The following WNK4 variants were observed in gnomAD, a reference collection of about 807,000 sequenced individuals.
WNK4 encodes the protein serine/threonine-protein kinase WNK4.
Under a neutral mutation model 116.2 loss-of-function variants are expected in WNK4, and 94 were observed. The ratio of observed to expected loss-of-function variants is 0.81; its 90% confidence interval spans 0.68 to 0.96. The LOEUF is 0.96. Ranked by LOEUF, WNK4 falls within the 40% of genes least tolerant of loss-of-function variation. WNK4 has a pLI of 0.00. For synonymous variants in WNK4, 655 were observed against 672.7 expected (o/e 0.97, Z 0.41); for missense variants, 1,542 against 1,650.6 (o/e 0.93, Z 1.14).
At position 42,796,729 on chromosome 17, in the gene WNK4, C is replaced by T; in HGVS notation, c.*41C>T. The T allele has an allele frequency of 1.2e-6, 2 of 1,614,216 alleles. No individual in the cohort carries two copies. Among genetic ancestry groups the T allele is most frequent in the Non-Finnish European group, 1.7e-6 (2 of 1,180,026 alleles). ...CATGTATCTCCCCCACACCAGGGCC[C>T]ACCATGGAGCTTGTGTTCTCAGAAT... On this transcript the variant is annotated 3_prime_UTR_variant, in exon 19 of 19. Coordinates refer to ENST00000246914, the MANE Select transcript of WNK4 (RefSeq NM_032387.5).
chr17:42,795,882 C>T lies in WNK4; in HGVS notation c.3280C>T (p.Pro1094Ser), dbSNP rs1438398279. 1 of 1,611,686 alleles carries T rather than the reference C, an allele frequency of 6.2e-7. No individual in the cohort carries two copies. The highest frequency in any genetic ancestry group is 1.7e-5 in the Admixed American group (1 of 59,902). ...GGAGGAAGGAGATGATGGGAAGGAA[C>T]CCCAAGTTGGGGGCAGCCCCCAACC... ...VEEEGDDGKE[P>S]QVGGSPQPLS... The change falls in exon 16 of 19, where the codon CCC becomes TCC. Residue 1094 changes from proline (P) to serine (S), a missense_variant. Pro to Ser is a moderately conservative substitution (Grantham distance 74, BLOSUM62 -1). Around this residue, in one of 7 missense-constraint regions of WNK4, gnomAD observed 292 missense variants for 290.1 expected, o/e 1.01. Coordinates refer to ENST00000246914, the MANE Select transcript of WNK4 (RefSeq NM_032387.5).
rs914821455 is a variant in WNK4, at chr17:42,784,929, G to A, written c.1171-168G>A. 6.6e-6 allele frequency among the ~76,000 whole-genome samples: 1 copy of A among 150,666 alleles called. No individual in the cohort carries two copies. The highest frequency in any genetic ancestry group is 2.5e-5 in the African/African-American group (1 of 40,468). ...TCAAGATCACACTGTAAATACTTGGGGGGGGGGCGGGGATTAGGATTTGAA... is the reference window on the plus strand; with the variant it reads ...TCAAGATCACACTGTAAATACTTGGAGGGGGGGCGGGGATTAGGATTTGAA... On this transcript the variant is annotated intron_variant, in intron 4 of 18. Coordinates refer to ENST00000246914, the MANE Select transcript of WNK4 (RefSeq NM_032387.5). The surrounding 1 kb of genome is among the most constrained non-coding windows in gnomAD (Gnocchi z 4.4).
At position 42,782,831 on chromosome 17, in the gene WNK4, C is replaced by T. The variant is rs749059920; in HGVS notation, c.692C>T (p.Pro231Leu). Reference protein sequence around the residue: ...EVEMLKGLQHPNIVRFYDSWK... With the variant: ...EVEMLKGLQHLNIVRFYDSWK... Reference sequence around the variant, plus strand: ...GAGATGCTCAAGGGGCTGCAGCACCCCAACATCGTCCGCTTCTATGATTCG... The same window carrying T: ...GAGATGCTCAAGGGGCTGCAGCACCTCAACATCGTCCGCTTCTATGATTCG... The change falls in exon 2 of 19, where the codon CCC (proline) becomes CTC (leucine). Residue 231 changes from proline to leucine, a missense_variant. By Grantham distance (98) the Pro-to-Leu change is moderately conservative (BLOSUM62 -3). Around this residue, in one of 7 missense-constraint regions of WNK4, gnomAD observed 808 missense variants for 873.6 expected, o/e 0.92. Coordinates refer to ENST00000246914, the MANE Select transcript of WNK4 (RefSeq NM_032387.5). This position sits in a 1 kb window ranked among gnomAD's most constrained non-coding sequence, Gnocchi z 4.2. 3.7e-6 allele frequency: 6 copies of T among 1,614,068 alleles called. No homozygotes were observed. The Admixed American group carries it at 8.3e-5, about 22-fold the overall frequency.
In WNK4 at chr17:42,782,646, C is replaced by A; in HGVS notation, c.619-112C>A. 8.0e-7 allele frequency: 1 copy of A among 1,251,768 alleles called. No individual in the cohort carries two copies. Among genetic ancestry groups the A allele is most frequent in the Non-Finnish European group, 1.1e-6 (1 of 883,258 alleles). 77.5% of individuals were successfully genotyped at this position (1,251,768 alleles called of 1,614,324 possible). A position where few individuals can be genotyped will look rare whatever the true frequency, so the allele number is the denominator to read the frequency against. On this transcript the variant is annotated intron_variant, in intron 1 of 18. Coordinates refer to ENST00000246914, the MANE Select transcript of WNK4 (RefSeq NM_032387.5). The surrounding 1 kb of genome is among the most constrained non-coding windows in gnomAD (Gnocchi z 4.2). Reference sequence around the variant, plus strand: ...TGGGCAAGTAATCCCATTAACCCCACCCCATCTGTGGGCTCCAACCCTCAC... The same window carrying A: ...TGGGCAAGTAATCCCATTAACCCCAACCCATCTGTGGGCTCCAACCCTCAC...
At chr17:42,783,063 C>G in intron 2 of WNK4, 133 bp downstream of exon 2, 1 of 1,240,586 alleles carries the variant, frequency 8.1e-7, no homozygotes, top group Non-Finnish European at 1.1e-6. Flanking sequence ...TCTCACCCAA[C>G]CTTTGTCCCT....
chr17:42,788,133 T>C lies in WNK4; in HGVS notation c.1867T>C (p.Phe623Leu). The C allele has an allele frequency of 6.2e-7, 1 of 1,614,196 alleles. No individual in the cohort carries two copies. The highest frequency in any genetic ancestry group is 8.5e-7 in the Non-Finnish European group (1 of 1,180,030). The change falls in exon 9 of 19, where the codon TTT becomes CTT. Residue 623 changes from phenylalanine (F) to leucine (L), a missense_variant. Phe to Leu is a conservative substitution (Grantham distance 22, BLOSUM62 0). Around this residue, in one of 7 missense-constraint regions of WNK4, gnomAD observed 808 missense variants for 873.6 expected, o/e 0.92. Coordinates refer to ENST00000246914, the MANE Select transcript of WNK4 (RefSeq NM_032387.5). ...ATGAACCCTTATCCTGTTTCAGGCT[T>C]TTGCCCTATCCATTCCACGTTCTGG... ...AESHLCLPSA[F>L]ALSIPRSGPG... is the part of the protein sequence containing the mutation.
intron 7 of WNK4, 117 bp from the exon 8 acceptor site, chr17:42,787,661 C>G (rs2054565235): frequency 6.3e-7 from 1 of 1,593,850 alleles, no homozygotes; most frequent in Non-Finnish European, 8.5e-7. Flanking sequence ...CCATGAAGCT[C>G]CCTCCAGGAA....
Position 42,788,321 on chromosome 17 carries a change from G to A in WNK4, c.1954G>A (p.Asp652Asn), listed in dbSNP as rs376641891. The A allele has an allele frequency of 8.7e-6, 14 of 1,614,098 alleles. No homozygotes were observed. The South Asian group carries it at 9.9e-5, about 11-fold the overall frequency. The change falls in exon 10 of 19, where the codon GAT (aspartate) becomes AAT (asparagine). Residue 652 changes from aspartate to asparagine, a missense_variant. By Grantham distance (23) the Asp-to-Asn change is conservative. Coordinates refer to ENST00000246914, the MANE Select transcript of WNK4 (RefSeq NM_032387.5). Reference protein sequence around the residue: ...YASDAASGLSDVGEGMGQMRR... With the variant: ...YASDAASGLSNVGEGMGQMRR... ...CTCAGATGCAGCTTCAGGCCTTAGC[G>A]ATGTGGGAGAAGGGATGGGACAAAT... is the stretch of plus-strand genomic sequence containing the variant.
Position 42,785,150 on chromosome 17 carries a change from C to G in WNK4, c.1224C>G (p.Ile408Met), listed in dbSNP as rs373485019. The G allele has an allele frequency of 1.2e-6, 2 of 1,613,854 alleles. No individual in the cohort carries two copies. Among genetic ancestry groups the G allele is most frequent in the Non-Finnish European group, 1.7e-6 (2 of 1,179,990 alleles). Residue 408 changes from isoleucine (I) to methionine (M), a missense_variant, in exon 5 of 19, where the codon ATC becomes ATG. Physicochemically the swap from Ile to Met is conservative, Grantham distance 10 (BLOSUM62 1). Coordinates refer to ENST00000246914, the MANE Select transcript of WNK4 (RefSeq NM_032387.5). The part of the protein sequence containing the change: ...HKVKIPEVKE[I>M]IEGCIRTDKN... ...TGAAGATACCCGAGGTGAAGGAGAT[C>G]ATTGAAGGCTGCATCCGCACGGATA...
At position 42,787,026 on chromosome 17, in the gene WNK4, C is replaced by G. The variant is rs1281120221; in HGVS notation, c.1477-252C>G. Among the ~76,000 whole-genome samples, 3 of 152,232 alleles carry G rather than the reference C, an allele frequency of 2.0e-5. No individual in the cohort carries two copies. The East Asian group carries it at 5.8e-4, about 29-fold the overall frequency. The stretch of plus-strand genomic sequence containing the variant: ...CATCTCTTCTTCCCATTGGAAACCA[C>G]TGACTTACTGTATAACTATGAACCA... On this transcript the variant is annotated intron_variant, in intron 6 of 18. Transcript: ENST00000246914.
intron 10 of WNK4, 56 bp from the exon 11 acceptor site, chr17:42,788,625 C>T (rs2054578152): frequency 6.9e-7 from 1 of 1,440,178 alleles, no homozygotes; most frequent in Non-Finnish European, 9.8e-7. Flanking sequence ...AGGGTGGAGA[C>T]ACAGCATGAT....
chr17:42,783,190 C>T (rs1482136506), intron 2 of WNK4, among the ~76,000 whole-genome samples: 1 of 152,094 alleles, frequency 6.6e-6, no homozygotes, highest in Non-Finnish European at 1.5e-5. Context: ...TTTCCTTAAC[C>T]TCTCCCCACC....
chr17:42,786,975 T>G (rs532645930), intron 6 of WNK4, among the ~76,000 whole-genome samples: 10 of 152,284 alleles, frequency 6.6e-5, no homozygotes, highest in Admixed American at 3.3e-4. Context: ...TTGTGGCAAC[T>G]AAAAATGTCT....
chr17:42,786,253 C>G (rs759812288), intron 6 of WNK4, among the ~76,000 whole-genome samples: 1 of 152,192 alleles, frequency 6.6e-6, no homozygotes, highest in Non-Finnish European at 1.5e-5. Flanking sequence ...GTTACCCTTC[C>G]CCACCTCCTT....
chr17:42,785,245 T>A (rs2054532883), intron 5 of WNK4, 21 bp from the exon 6 acceptor site: 1 of 1,607,352 alleles, frequency 6.2e-7, no homozygotes, highest in Non-Finnish European at 8.5e-7. Context: ...CGGGCTCGGC[T>A]CACCCACGCG....
Position 42,787,265 on chromosome 17 carries a change from A to G in WNK4, c.1477-13A>G, listed in dbSNP as rs61754357. 7,198 of 1,613,162 alleles carry G rather than the reference A, an allele frequency of 4.5e-3. 292 individuals carry two copies. The African/African-American group carries it at 0.084, about 19-fold the overall frequency. Reference sequence around the variant, plus strand: ...TCCCAAGCTGTGTTCCTCATCCCCCACCCCAATTCCAGGTGGCTCTGGGCT... The same window carrying G: ...TCCCAAGCTGTGTTCCTCATCCCCCGCCCCAATTCCAGGTGGCTCTGGGCT... On this transcript the variant is annotated splice_polypyrimidine_tract_variant and intron_variant, in intron 6 of 18. Coordinates refer to ENST00000246914, the MANE Select transcript of WNK4 (RefSeq NM_032387.5).
intron 11 of WNK4, among the ~76,000 whole-genome samples, chr17:42,792,749 G>A (rs1297852447): frequency 1.3e-5 from 2 of 152,176 alleles, no homozygotes; most frequent in African/African-American, 2.4e-5. Context: ...CATAGTAGGT[G>A]CTCAATAAGT....
intron 11 of WNK4, among the ~76,000 whole-genome samples, chr17:42,789,713 G>T (rs1004525892): frequency 2.1e-5 from 3 of 144,674 alleles, no homozygotes; most frequent in Admixed American, 2.0e-4. Context: ...AATAAATAGA[G>T]AGGCAGAGCA....
chr17:42,783,010 A>G, intron 2 of WNK4, 80 bp downstream of exon 2: 2 of 1,548,006 alleles, frequency 1.3e-6, no homozygotes, highest in East Asian at 2.4e-5. Context: ...AGGCTCCTCA[A>G]ACTCTCTAAT....
Sources: gnomAD v4.1 joint callset for allele counts (sites outside exome capture counted in the v4.1 genomes callset) on GRCh38, gnomAD v4.1.1 for gene constraint, gnomAD v4.1.1 regional missense constraint, Gnocchi (gnomAD v3.1) non-coding constraint, MANE v1.5 for transcripts, NCBI Gene and HGNC (gene_info 2026-07-23, HGNC 2026-07-21) for gene names.